Variants in ARHGEF33 observed in about 807,000 individuals in gnomAD.
The protein encoded by ARHGEF33 is Rho guanine nucleotide exchange factor 33.
Under a neutral mutation model 101.9 loss-of-function variants are expected in ARHGEF33, and 72 were observed. The ratio of observed to expected loss-of-function variants is 0.71; its 90% CI spans 0.58 to 0.86. ARHGEF33 has a LOEUF of 0.86. ARHGEF33 is among the 40% of genes least tolerant of loss of function. The pLI is 0.00. For synonymous variants in ARHGEF33, 499 were observed against 442.5 expected, an observed-to-expected ratio of 1.13 and a Z score of -1.60; for missense variants, 1,169 against 1,111.3, an observed-to-expected ratio of 1.05 and a Z score of -0.74.
chr2:38,913,380 T>A (rs1446193507), intron 2 of ARHGEF33, among the ~76,000 whole-genome samples: 1 of 152,234 alleles, frequency 6.6e-6, no homozygotes, highest in Non-Finnish European at 1.5e-5. Context: ...ATAATTCCAA[T>A]GTAATTGAAG....
intron 13 of ARHGEF33, among the ~76,000 whole-genome samples, chr2:38,954,676 C>G (rs945353911): frequency 2.7e-5 from 4 of 147,656 alleles, no homozygotes; most frequent in African/African-American, 1.0e-4. Flanking sequence ...CTCTGTCACC[C>G]AGGCTGGAGT....
At chr2:38,890,912 A>G (rs1665981319) in intron 1 of ARHGEF33, among the ~76,000 whole-genome samples, 1 of 151,988 alleles carries the variant, frequency 6.6e-6, no homozygotes, top group Non-Finnish European at 1.5e-5. Context: ...CTGGAAATGC[A>G]ATCTAAACTC....
chr2:38,940,687 C>T lies in ARHGEF33; in HGVS notation c.790+3128C>T, dbSNP rs10166557. Among the ~76,000 whole-genome samples, 654 of 152,242 alleles carry T rather than the reference C, an allele frequency of 4.3e-3. 5 individuals carry two copies. Among genetic ancestry groups the T allele is most frequent in the African/African-American group, 0.015 (613 of 41,538 alleles). ...TAATCACTTGGCGGGTCCTTCTTGCCGGCTTGCTGTGCAGGTGGAGCTGAT... is the reference window on the plus strand; with the variant it reads ...TAATCACTTGGCGGGTCCTTCTTGCTGGCTTGCTGTGCAGGTGGAGCTGAT... On this transcript the variant is annotated intron_variant, in intron 9 of 17. Transcript: ENST00000409978.
chr2:38,970,253 G>T (rs1445010101), intron 17 of ARHGEF33, among the ~76,000 whole-genome samples: 1 of 152,144 alleles, frequency 6.6e-6, no homozygotes, highest in Non-Finnish European at 1.5e-5. Context: ...CACAGAGAGA[G>T]TACTTCTACA....
At chr2:38,973,233 T>C (rs1290738866) in intron 17 of ARHGEF33, 1 of 152,806 alleles carries the variant, frequency 6.5e-6, no homozygotes, top group Non-Finnish European at 1.5e-5. Context: ...AAATGTAGCA[T>C]ATATGTGTGG....
chr2:38,969,853 G>C (rs1401679383), intron 17 of ARHGEF33, among the ~76,000 whole-genome samples: 1 of 152,238 alleles, frequency 6.6e-6, no homozygotes, highest in African/African-American at 2.4e-5. Flanking sequence ...CAGGATGGAA[G>C]GCAAACTGTC....
At chr2:38,892,565 G>C (rs898426362) in intron 1 of ARHGEF33, among the ~76,000 whole-genome samples, 1 of 152,196 alleles carries the variant, frequency 6.6e-6, no homozygotes, top group Non-Finnish European at 1.5e-5. Flanking sequence ...TCCTAGCAGA[G>C]TTAGTCAGTG....
At chr2:38,905,433 A>C (rs1454029131) in intron 2 of ARHGEF33, among the ~76,000 whole-genome samples, 1 of 152,196 alleles carries the variant, frequency 6.6e-6, no homozygotes, top group Non-Finnish European at 1.5e-5. Flanking sequence ...GCTGAGTGAT[A>C]TTTGGAATTA....
intron 7 of ARHGEF33, among the ~76,000 whole-genome samples, chr2:38,934,662 C>T (rs1667091149): frequency 9.1e-6 from 1 of 109,292 alleles, no homozygotes; most frequent in Non-Finnish European, 1.9e-5. Context: ...CGCTTCTCTC[C>T]CTCCCTCCCC....
chr2:38,917,038 G>C (rs563572778), intron 2 of ARHGEF33, among the ~76,000 whole-genome samples: 19 of 151,462 alleles, frequency 1.3e-4, no homozygotes, highest in Non-Finnish European at 2.5e-4. Context: ...GACCTCAGGT[G>C]ATCCACCCAC....
At chr2:38,918,701 A>G (rs1218520633) in intron 2 of ARHGEF33, among the ~76,000 whole-genome samples, 1 of 152,158 alleles carries the variant, frequency 6.6e-6, no homozygotes, top group Non-Finnish European at 1.5e-5. Context: ...TGGAATAGAA[A>G]CAGATGTATT....
intron 7 of ARHGEF33, among the ~76,000 whole-genome samples, chr2:38,935,004 G>A (rs953212551): frequency 1.3e-5 from 2 of 151,414 alleles, no homozygotes; most frequent in African/African-American, 2.4e-5. Flanking sequence ...GAAGACCAAC[G>A]GGGGTAAAGC....
At chr2:38,972,899 G>C (rs181455229) in intron 17 of ARHGEF33, 1 of 152,212 alleles carries the variant, frequency 6.6e-6, no homozygotes, top group East Asian at 1.9e-4. Context: ...TTTTGATATT[G>C]GTTCTTAGTG....
intron 2 of ARHGEF33, among the ~76,000 whole-genome samples, chr2:38,914,513 A>G (rs369993749): frequency 1.3e-5 from 2 of 152,158 alleles, no homozygotes; most frequent in East Asian, 1.9e-4. Context: ...CTAAAAATAC[A>G]ACAATTATCC....
intron 7 of ARHGEF33, among the ~76,000 whole-genome samples, chr2:38,935,009 T>C (rs1667098247): frequency 6.9e-6 from 1 of 143,938 alleles, no homozygotes; most frequent in Non-Finnish European, 1.5e-5. Flanking sequence ...CCAACGGGGG[T>C]AAAGCAGAGT....
chr2:38,960,546 C>A lies in ARHGEF33; in HGVS notation c.2241C>A (p.His747Gln). The change falls in exon 16 of 18, where the codon CAC becomes CAA. Residue 747 changes from histidine to glutamine, a missense_variant. His to Gln is a conservative substitution (Grantham distance 24). Coordinates refer to ENST00000409978, the MANE Select transcript of ARHGEF33 (RefSeq NM_001145451.5). ...AGGCCGAGCGCGCCGCGCAGGCGCA[C>A]GGCCCGGCCGCCGCCGCCGTCGCCG... Reference protein sequence around the residue: ...PIKAERAAQAHGPAAAAVAAR... With the variant: ...PIKAERAAQAQGPAAAAVAAR... 1 of 1,255,664 alleles carries A rather than the reference C, an allele frequency of 8.0e-7. No individual in the cohort carries two copies. Among genetic ancestry groups the A allele is most frequent in the South Asian group, 2.4e-5 (1 of 41,628 alleles). 77.8% of individuals were successfully genotyped at this position (1,255,664 alleles called of 1,614,324 possible). A position where few individuals can be genotyped will look rare whatever the true frequency, so the allele number is the denominator to read the frequency against.
intron 16 of ARHGEF33, among the ~76,000 whole-genome samples, chr2:38,962,455 A>G (rs1231108363): frequency 3.3e-5 from 5 of 152,186 alleles, no homozygotes; most frequent in Non-Finnish European, 5.9e-5. Flanking sequence ...TGAGTAATAT[A>G]TTTGTGGCTG....
chr2:38,966,401 C>T (rs1668052747), intron 17 of ARHGEF33, among the ~76,000 whole-genome samples: 2 of 152,110 alleles, frequency 1.3e-5, no homozygotes, highest in African/African-American at 2.4e-5. Context: ...AGTCATGTGT[C>T]TTGAGAGGAG....
At chr2:38,933,964 A>C (rs1179363647) in intron 7 of ARHGEF33, among the ~76,000 whole-genome samples, 1 of 152,232 alleles carries the variant, frequency 6.6e-6, no homozygotes, top group Non-Finnish European at 1.5e-5. Flanking sequence ...TACAGGCCCA[A>C]GTATACCTTA....
Sources: gnomAD v4.1 joint callset for allele counts (sites outside exome capture counted in the v4.1 genomes callset) on GRCh38, gnomAD v4.1.1 for gene constraint, MANE v1.5 for transcripts, NCBI Gene and HGNC (gene_info 2026-07-23, HGNC 2026-07-21) for gene names.